SERGEF: variants seen among roughly 807,000 people sequenced by gnomAD.
The protein encoded by SERGEF is secretion regulating guanine nucleotide exchange factor, also known as secretion-regulating guanine nucleotide exchange factor.
SERGEF carries 51 observed loss-of-function variants against 50.0 expected under a neutral mutation model. The ratio of observed to expected loss-of-function variants is 1.02; its 90% confidence interval spans 0.81 to 1.29. The LOEUF (loss-of-function observed/expected upper bound fraction) is 1.29, where lower values mean the gene tolerates loss of function less well. SERGEF is among the 50% of genes most tolerant of loss of function. The pLI, the probability that SERGEF is intolerant of heterozygous loss-of-function variation, is 0.00. For missense variants in SERGEF, 521 were observed against 557.0 expected, an observed-to-expected ratio of 0.94 and a Z score of 0.65; for synonymous variants, 205 against 212.4, an observed-to-expected ratio of 0.97 and a Z score of 0.30.
intron 10 of SERGEF, 105 bp from the exon 11 acceptor site, chr11:17,788,518 A>G: frequency 1.1e-6 from 1 of 949,240 alleles, no homozygotes; most frequent in Non-Finnish European, 1.5e-6. Flanking sequence ...TTCACTCAGG[A>G]AGACGCCAAA....
At chr11:18,005,850 A>C (rs1338364371) in intron 3 of SERGEF, among the ~76,000 whole-genome samples, 1 of 152,328 alleles carries the variant, frequency 6.6e-6, no homozygotes, top group African/African-American at 2.4e-5. Flanking sequence ...AGAAAAAAAA[A>C]AATCCCACAG....
At chr11:17,929,160 A>G (rs540648361) in intron 9 of SERGEF, among the ~76,000 whole-genome samples, 278 of 152,310 alleles carry the variant, frequency 1.8e-3, no homozygotes, top group African/African-American at 6.4e-3. Context: ...TTTATTTTTC[A>G]TCCACTTACA....
chr11:17,896,408 T>C lies in SERGEF; in HGVS notation c.1012-18164A>G, dbSNP rs1169153231. Reference sequence around the variant, plus strand: ...CTTTTTCAATATTACAGTTCATAGGTGGCATAGCTGCAATTTAAATCAAAT... The same window carrying C: ...CTTTTTCAATATTACAGTTCATAGGCGGCATAGCTGCAATTTAAATCAAAT... On this transcript the variant is annotated intron_variant, in intron 9 of 10. Coordinates refer to ENST00000265965, the MANE Select transcript of SERGEF (RefSeq NM_012139.4). Among the ~76,000 whole-genome samples the C allele has an allele frequency of 3.3e-5, 5 of 151,934 alleles. No homozygotes were observed. In the East Asian group the frequency reaches 9.6e-4, roughly 29 times the overall value.
intron 10 of SERGEF, among the ~76,000 whole-genome samples, chr11:17,864,120 G>A (rs1049376397): frequency 1.3e-5 from 2 of 152,200 alleles, no homozygotes; most frequent in Non-Finnish European, 2.9e-5. Context: ...TCCTCTTTGA[G>A]TTCACATTAG....
intron 10 of SERGEF, among the ~76,000 whole-genome samples, chr11:17,838,570 T>A (rs1337898004): frequency 2.0e-5 from 3 of 152,154 alleles, no homozygotes; most frequent in Non-Finnish European, 4.4e-5. Context: ...GCCCTTATCA[T>A]CACCCTCCCA....
chr11:17,907,722 CT>C (rs1399234486), intron 9 of SERGEF, among the ~76,000 whole-genome samples: 1 of 152,072 alleles, frequency 6.6e-6, no homozygotes, highest in African/African-American at 2.4e-5. Context: ...AAAAAATAAC[CT>C]GGACATTAGT....
intron 8 of SERGEF, among the ~76,000 whole-genome samples, chr11:17,970,482 A>G (rs1565218776): frequency 1.3e-5 from 2 of 152,168 alleles, no homozygotes; most frequent in Non-Finnish European, 2.9e-5. Context: ...TAACCCTACC[A>G]TGGCCTCTAA....
At chr11:17,928,377 C>T (rs1852289221) in intron 9 of SERGEF, among the ~76,000 whole-genome samples, 2 of 152,112 alleles carry the variant, frequency 1.3e-5, no homozygotes, top group South Asian at 4.1e-4. Flanking sequence ...CCCACAGAGT[C>T]AGTCCATGGA....
chr11:17,797,545 A>C (rs1326482730), intron 10 of SERGEF, among the ~76,000 whole-genome samples: 1 of 152,096 alleles, frequency 6.6e-6, no homozygotes, highest in Non-Finnish European at 1.5e-5. Flanking sequence ...CTCCCGTCTT[A>C]TCTCTTCACC....
intron 9 of SERGEF, among the ~76,000 whole-genome samples, chr11:17,918,484 T>C (rs1302755188): frequency 2.6e-5 from 4 of 152,162 alleles, no homozygotes; most frequent in Non-Finnish European, 5.9e-5. Context: ...CCAGATGTCA[T>C]GGCCTGGGAA....
Position 17,802,810 on chromosome 11 carries a change from C to T in SERGEF, c.1049-14397G>A, listed in dbSNP as rs143363817. ...ACTTTCTCAGAGGGCCTTCCCTGAT[C>T]ACCCAATTTCATCCTTTCATTCTCT... is the stretch of plus-strand genomic sequence containing the variant. On this transcript the variant is annotated intron_variant, in intron 10 of 10. Transcript: ENST00000265965. 5.3e-5 allele frequency among the ~76,000 whole-genome samples: 8 copies of T among 151,388 alleles called. No homozygotes were observed. In the East Asian group the frequency reaches 1.6e-3, roughly 30 times the overall value.
In SERGEF at chr11:17,988,613, G is replaced by A. The variant is rs1330137787; in HGVS notation, c.828C>T (p.His276=). ...KVTAIWSGWT[H]LVAQTETGKM... ...CTGTCTCACCTGTCTGAGCAACCAG[G>A]TGTGTCCATCCACTCCAGATGGCAG... The change falls in exon 8 of 11, where the codon CAC becomes CAT. Residue 276 remains histidine, a synonymous_variant. Coordinates refer to ENST00000265965, the MANE Select transcript of SERGEF (RefSeq NM_012139.4). 6.2e-7 allele frequency: 1 copy of A among 1,614,036 alleles called. No homozygotes were observed. Among genetic ancestry groups the A allele is most frequent in the Admixed American group, 1.7e-5 (1 of 60,006 alleles).
At chr11:17,863,421 A>C (rs1850963314) in intron 10 of SERGEF, 2 of 152,214 alleles carry the variant, frequency 1.3e-5, no homozygotes, top group Admixed American at 6.5e-5. Context: ...TTGCTGGCTG[A>C]CCACTTGTCC....
chr11:17,789,670 T>C (rs996292528), intron 10 of SERGEF, among the ~76,000 whole-genome samples: 1 of 152,218 alleles, frequency 6.6e-6, no homozygotes, highest in Non-Finnish European at 1.5e-5. Flanking sequence ...AAAAGCAAAC[T>C]TGCAGAATCT....
chr11:17,970,844 G>C (rs1420127022), intron 8 of SERGEF, among the ~76,000 whole-genome samples: 1 of 152,100 alleles, frequency 6.6e-6, no homozygotes, highest in East Asian at 1.9e-4. Flanking sequence ...AGAGACGTGA[G>C]GGAACTGAGG....
intron 9 of SERGEF, among the ~76,000 whole-genome samples, chr11:17,933,752 T>C (rs1238092266): frequency 1.3e-5 from 2 of 151,928 alleles, no homozygotes; most frequent in Non-Finnish European, 1.5e-5. Flanking sequence ...ATTACAAATA[T>C]ATAGATGGGC....
At chr11:17,795,909 G>T (rs1051616256) in intron 10 of SERGEF, among the ~76,000 whole-genome samples, 1 of 152,166 alleles carries the variant, frequency 6.6e-6, no homozygotes, top group Non-Finnish European at 1.5e-5. Context: ...CAAAAGACTG[G>T]GGGGCTTCAA....
chr11:17,793,172 G>A (rs113536706), intron 10 of SERGEF, among the ~76,000 whole-genome samples: 81 of 152,300 alleles, frequency 5.3e-4, no homozygotes, highest in African/African-American at 1.9e-3. Flanking sequence ...AGCAGATCAT[G>A]GGAATAGGAG....
At chr11:17,998,935 C>T (rs1853902729) in intron 5 of SERGEF, among the ~76,000 whole-genome samples, 1 of 152,068 alleles carries the variant, frequency 6.6e-6, no homozygotes, top group African/African-American at 2.4e-5. Flanking sequence ...TTTCAGCCTC[C>T]TAGTTTGTGG....
Sources: gnomAD v4.1 joint callset for allele counts (sites outside exome capture counted in the v4.1 genomes callset) on GRCh38, gnomAD v4.1.1 for gene constraint, MANE v1.5 for transcripts, NCBI Gene and HGNC (gene_info 2026-07-23, HGNC 2026-07-21) for gene names.